The following KPNA3 variants were observed in gnomAD, a reference collection of about 807,000 sequenced individuals.
KPNA3 encodes importin subunit alpha-4.
Under a neutral mutation model 73.8 loss-of-function variants are expected in KPNA3, and 13 were observed. The observed-to-expected ratio is 0.18, with a 90% CI of 0.11 to 0.28. The LOEUF (loss-of-function observed/expected upper bound fraction) is 0.28. Ranked by LOEUF, KPNA3 falls within the 10% of genes least tolerant of loss-of-function variation. The probability of loss-of-function intolerance (pLI) is 1.00; values close to 1 mark genes in which losing one functional copy is unlikely to be tolerated. For synonymous variants in KPNA3, 186 were observed against 206.9 expected (o/e 0.90, Z 0.87); for missense variants, 360 against 618.1 (o/e 0.58, Z 4.43).
chr13:49,708,551 G>A (rs1954229794), intron 12 of KPNA3, among the ~76,000 whole-genome samples: 1 of 152,118 alleles, frequency 6.6e-6, no homozygotes, highest in Non-Finnish European at 1.5e-5. Context: ...TTGAAAGCGG[G>A]AACTCAAATA....
Position 49,701,569 on chromosome 13 carries a change from T to A in KPNA3, c.*231A>T. Reference sequence around the variant, plus strand: ...CAGGGAAAAATAGGGTAGTTGAGATTGTTAAGGAGAGTTCTAAAACAGTTT... The same window carrying A: ...CAGGGAAAAATAGGGTAGTTGAGATAGTTAAGGAGAGTTCTAAAACAGTTT... On this transcript the variant is annotated 3_prime_UTR_variant, in exon 17 of 17. Coordinates refer to ENST00000261667, the MANE Select transcript of KPNA3 (RefSeq NM_002267.4). The A allele has an allele frequency of 3.2e-6, 2 of 626,034 alleles. No individual in the cohort carries two copies. Among genetic ancestry groups the A allele is most frequent in the East Asian group, 3.5e-5 (1 of 28,752 alleles). 38.8% of individuals were successfully genotyped at this position (626,034 alleles called of 1,614,324 possible).
chr13:49,709,839 C>T, intron 11 of KPNA3, 139 bp from the exon 12 acceptor site: 1 of 589,924 alleles, frequency 1.7e-6, no homozygotes, highest in Non-Finnish European at 2.6e-6. Flanking sequence ...ACCAAGCAGT[C>T]TGAGAGCTAT....
intron 7 of KPNA3, 29 bp downstream of exon 7, chr13:49,725,387 A>G (rs781698053): frequency 6.5e-6 from 9 of 1,379,276 alleles, no homozygotes; most frequent in Non-Finnish European, 9.0e-6. Context: ...TAAAACACAA[A>G]AAGTTCAGAC....
At chr13:49,727,709 G>A (rs1258360706) in intron 6 of KPNA3, among the ~76,000 whole-genome samples, 4 of 151,956 alleles carry the variant, frequency 2.6e-5, no homozygotes, top group East Asian at 1.9e-4. Flanking sequence ...TTCTATACAC[G>A]TCTGAACATG....
At chr13:49,768,675 G>A (rs1954829355) in intron 1 of KPNA3, among the ~76,000 whole-genome samples, 1 of 142,532 alleles carries the variant, frequency 7.0e-6, no homozygotes, top group South Asian at 2.2e-4. Flanking sequence ...GATCACAACT[G>A]TGACTTTAAC....
chr13:49,734,462 T>A (rs1954500479), intron 2 of KPNA3, among the ~76,000 whole-genome samples: 1 of 152,144 alleles, frequency 6.6e-6, no homozygotes. Context: ...TACGCCAAAG[T>A]AGTCATTTGG....
At chr13:49,739,406 C>T (rs373990400) in intron 2 of KPNA3, among the ~76,000 whole-genome samples, 1 of 152,048 alleles carries the variant, frequency 6.6e-6, no homozygotes, top group African/African-American at 2.4e-5. Context: ...CATTTATTAG[C>T]TTGTGACTAT....
intron 1 of KPNA3, among the ~76,000 whole-genome samples, chr13:49,781,104 T>C (rs992726518): frequency 3.9e-5 from 6 of 152,200 alleles, no homozygotes; most frequent in African/African-American, 4.8e-5. Flanking sequence ...CATAAATACC[T>C]ACACATTTTT....
At position 49,742,560 on chromosome 13, in the gene KPNA3, A is replaced by G. The variant is rs1237418122; in HGVS notation, c.114+4389T>C. ...CAGGTAGTGTGATGCTTCTGGGTTC[A>G]TTCTTTTAAGATTGCTTTGGCTATT... On this transcript the variant is annotated intron_variant, in intron 2 of 16. Coordinates refer to ENST00000261667, the MANE Select transcript of KPNA3 (RefSeq NM_002267.4). Among the ~76,000 whole-genome samples the G allele has an allele frequency of 2.7e-5, 4 of 149,950 alleles. No individual in the cohort carries two copies. The East Asian group carries it at 5.8e-4, about 22-fold the overall frequency.
intron 1 of KPNA3, among the ~76,000 whole-genome samples, chr13:49,775,182 AAAAAG>A (rs1954887904): frequency 8.0e-6 from 1 of 125,150 alleles, no homozygotes; most frequent in African/African-American, 3.5e-5. Flanking sequence ...AAAAAAAAAA[AAAAAG>A]AAAAAAGAAA....
At chr13:49,718,626 CT>C (rs1335896508) in intron 10 of KPNA3, among the ~76,000 whole-genome samples, 1 of 152,152 alleles carries the variant, frequency 6.6e-6, no homozygotes, top group Non-Finnish European at 1.5e-5. Flanking sequence ...ATAAATTTTA[CT>C]TTTTCCTTTA....
chr13:49,720,536 T>C lies in KPNA3; in HGVS notation c.727-717A>G, dbSNP rs556787677. Among the ~76,000 whole-genome samples the C allele has an allele frequency of 6.6e-5, 10 of 152,168 alleles. No individual in the cohort carries two copies. The South Asian group carries it at 1.2e-3, about 19-fold the overall frequency. Reference sequence around the variant, plus strand: ...CTTTGGGAGGGTGAGGTGGGTGGACTGCTTGATGCCAGGAGTTCAAGACCA... The same window carrying C: ...CTTTGGGAGGGTGAGGTGGGTGGACCGCTTGATGCCAGGAGTTCAAGACCA... On this transcript the variant is annotated intron_variant, in intron 9 of 16. Coordinates refer to ENST00000261667, the MANE Select transcript of KPNA3 (RefSeq NM_002267.4).
chr13:49,774,193 C>A (rs1303370567), intron 1 of KPNA3, among the ~76,000 whole-genome samples: 1 of 152,124 alleles, frequency 6.6e-6, no homozygotes, highest in African/African-American at 2.4e-5. Flanking sequence ...GTGTGACCCA[C>A]CACACCAGGT....
Position 49,702,484 on chromosome 13 carries a change from G to GT in KPNA3, c.1373-5dup, listed in dbSNP as rs755607791. 6.9e-7 allele frequency: 1 copy of GT among 1,443,790 alleles called. No individual in the cohort carries two copies. The highest frequency in any genetic ancestry group is 1.2e-5 in the South Asian group (1 of 83,514). 89.4% of individuals were successfully genotyped at this position (1,443,790 alleles called of 1,614,324 possible). A position where few individuals can be genotyped will look rare whatever the true frequency, so the allele number is the denominator to read the frequency against. On this transcript the variant is annotated splice_region_variant and splice_polypyrimidine_tract_variant and intron_variant, in intron 15 of 16. Transcript: ENST00000261667. ...AAAACTTCAATTTTCTCCAAACCTG[G>GT]TAAAAATAAAATAATCAAAATAACT...
intron 9 of KPNA3, among the ~76,000 whole-genome samples, chr13:49,720,189 T>TAA (rs1265855450): frequency 3.3e-5 from 5 of 152,216 alleles, no homozygotes; most frequent in Non-Finnish European, 7.3e-5. Flanking sequence ...AAGCTACACT[T>TAA]AAAACTGCCG....
At chr13:49,704,440 AATAAATAAATAAATAAATAAAT>A in intron 15 of KPNA3, among the ~76,000 whole-genome samples, 1 of 5,860 alleles carries the variant, frequency 1.7e-4, no homozygotes. Context: ...ATAAAAAATA[AATAAATAAATAAATAAATAAAT>A]AAATAAATAA....
intron 12 of KPNA3, among the ~76,000 whole-genome samples, chr13:49,707,025 A>G (rs1396639451): frequency 6.6e-6 from 1 of 152,226 alleles, no homozygotes; most frequent in Non-Finnish European, 1.5e-5. Flanking sequence ...CTGAGATTAC[A>G]GGCATGAGCC....
intron 1 of KPNA3, among the ~76,000 whole-genome samples, chr13:49,790,078 A>G (rs1214147711): frequency 6.6e-6 from 1 of 152,152 alleles, no homozygotes; most frequent in Non-Finnish European, 1.5e-5. Flanking sequence ...CCAAGACCTA[A>G]CATTGATAGA....
In KPNA3 at chr13:49,722,513, A is replaced by G; in HGVS notation, c.520T>C (p.Cys174Arg). ...CCCAAAGCCCATACTGCTTGTTCAC[A>G]AACATTCTGATGTGGTGAACGAAGA... ...RLLRSPHQNV[C>R]EQAVWALGNI... The change falls in exon 8 of 17, where the codon TGT (cysteine) becomes CGT (arginine). Residue 174 changes from cysteine to arginine, a missense_variant. Physicochemically the swap from Cys to Arg is radical, Grantham distance 180. This residue lies in a region of KPNA3 where 287 missense variants were observed against 549.1 expected (regional missense o/e 0.52). Coordinates refer to ENST00000261667, the MANE Select transcript of KPNA3 (RefSeq NM_002267.4). 1 of 1,612,284 alleles carries G rather than the reference A, an allele frequency of 6.2e-7. No individual in the cohort carries two copies. The highest frequency in any genetic ancestry group is 8.5e-7 in the Non-Finnish European group (1 of 1,179,068).
Sources: gnomAD v4.1 joint callset for allele counts (sites outside exome capture counted in the v4.1 genomes callset) on GRCh38, gnomAD v4.1.1 for gene constraint, gnomAD v4.1.1 regional missense constraint, MANE v1.5 for transcripts, NCBI Gene and HGNC (gene_info 2026-07-23, HGNC 2026-07-21) for gene names.